The following NFKB1 variants were observed in gnomAD, a reference collection of about 807,000 sequenced individuals.
NFKB1 encodes nuclear factor kappa B subunit 1.
In NFKB1, 9 loss-of-function variants were observed where a neutral mutation model predicts 105.1. The observed-to-expected ratio is 0.09, with a 90% CI of 0.05 to 0.15. The LOEUF (loss-of-function observed/expected upper bound fraction) is 0.15, where lower values mean the gene tolerates loss of function less well. Ranked by LOEUF, NFKB1 falls within the 10% of genes least tolerant of loss-of-function variation. The pLI is 1.00. For synonymous variants in NFKB1, 440 were observed against 442.2 expected, an observed-to-expected ratio of 1.00 and a Z score of 0.06; for missense variants, 830 against 1,203.7, an observed-to-expected ratio of 0.69 and a Z score of 4.59.
intron 21 of NFKB1, 47 bp from the exon 22 acceptor site, chr4:102,612,387 G>A: frequency 1.3e-6 from 2 of 1,585,444 alleles, no homozygotes; most frequent in Non-Finnish European, 1.7e-6. Context: ...CCTCCAGAGT[G>A]TCTATGGCAT....
chr4:102,519,801 T>C (rs903736401), intron 1 of NFKB1, among the ~76,000 whole-genome samples: 2 of 152,186 alleles, frequency 1.3e-5, no homozygotes, highest in African/African-American at 4.8e-5. Flanking sequence ...AGCAAATGAC[T>C]TACTCTCTTT....
chr4:102,545,101 G>A (rs1232013721), intron 5 of NFKB1, among the ~76,000 whole-genome samples: 1 of 152,094 alleles, frequency 6.6e-6, no homozygotes, highest in Non-Finnish European at 1.5e-5. Flanking sequence ...CCTTGATAAG[G>A]TCAAGTGAAC....
At chr4:102,613,696 C>T in intron 23 of NFKB1, 115 bp downstream of exon 23, 1 of 1,200,760 alleles carries the variant, frequency 8.3e-7, no homozygotes, top group Non-Finnish European at 1.2e-6. Flanking sequence ...GGATACACTT[C>T]CCTGTGTGTC....
At chr4:102,579,647 AT>A (rs371017912) in intron 8 of NFKB1, among the ~76,000 whole-genome samples, 77,580 of 134,018 alleles carry the variant, frequency 0.58, 21,716 homozygotes, top group South Asian at 0.68. Flanking sequence ...AAAAAAAAAA[AT>A]ATATATATAT....
chr4:102,566,707 A>T (rs753199445), intron 5 of NFKB1, among the ~76,000 whole-genome samples: 1 of 152,116 alleles, frequency 6.6e-6, no homozygotes, highest in Non-Finnish European at 1.5e-5. Flanking sequence ...ATCCTCTAAG[A>T]TGTGTTGCTC....
intron 14 of NFKB1, among the ~76,000 whole-genome samples, chr4:102,597,168 G>A (rs976974378): frequency 6.6e-6 from 1 of 152,160 alleles, no homozygotes; most frequent in African/African-American, 2.4e-5. Flanking sequence ...ATTTCACCAA[G>A]ATATTGGTGA....
In NFKB1 at chr4:102,567,145, G is replaced by A. The variant is rs1360128376; in HGVS notation, c.407+10G>A. 3 of 1,612,152 alleles carry A rather than the reference G, an allele frequency of 1.9e-6. No homozygotes were observed. Among genetic ancestry groups the A allele is most frequent in the East Asian group, 2.2e-5 (1 of 44,854 alleles). Reference sequence around the variant, plus strand: ...AGGACATGGTGGTCGGGTAAGTAGGGGTATATGATGCTGTGGAAGGTAGGA... The same window carrying A: ...AGGACATGGTGGTCGGGTAAGTAGGAGTATATGATGCTGTGGAAGGTAGGA... On this transcript the variant is annotated intron_variant, in intron 6 of 23. Transcript: ENST00000226574.
chr4:102,544,717 A>G (rs189113742), intron 5 of NFKB1, among the ~76,000 whole-genome samples: 6 of 152,308 alleles, frequency 3.9e-5, no homozygotes, highest in African/African-American at 9.6e-5. Flanking sequence ...TCCGCTGTAT[A>G]TATTCAAAGT....
chr4:102,527,499 A>T (rs1044275254), intron 2 of NFKB1, among the ~76,000 whole-genome samples: 1 of 152,188 alleles, frequency 6.6e-6, no homozygotes, highest in East Asian at 1.9e-4. Flanking sequence ...CAGAAGTGGA[A>T]TATGTTTTAA....
chr4:102,571,050 A>C (rs1724301907), intron 6 of NFKB1, among the ~76,000 whole-genome samples: 1 of 152,246 alleles, frequency 6.6e-6, no homozygotes, highest in South Asian at 2.1e-4. Flanking sequence ...AAAAGAACAA[A>C]GCTGGAGGCG....
chr4:102,517,476 C>CA (rs1243082157), intron 1 of NFKB1, among the ~76,000 whole-genome samples: 3 of 151,904 alleles, frequency 2.0e-5, no homozygotes, highest in Non-Finnish European at 2.9e-5. Context: ...AAAACAAAAA[C>CA]AAAAAAACCA....
intron 5 of NFKB1, among the ~76,000 whole-genome samples, chr4:102,540,474 T>C (rs1472637708): frequency 2.6e-5 from 4 of 152,214 alleles, no homozygotes; most frequent in Non-Finnish European, 2.9e-5. Flanking sequence ...CTGGGAAATA[T>C]AGATATGTAA....
intron 5 of NFKB1, among the ~76,000 whole-genome samples, chr4:102,551,291 C>A (rs1722555892): frequency 6.6e-6 from 1 of 151,990 alleles, no homozygotes; most frequent in Admixed American, 6.6e-5. Flanking sequence ...AGAGAGTAAT[C>A]AGGGTATTAC....
chr4:102,508,994 C>T (rs2149096285), intron 1 of NFKB1, among the ~76,000 whole-genome samples: 1 of 152,238 alleles, frequency 6.6e-6, no homozygotes, highest in Non-Finnish European at 1.5e-5. Context: ...TTGGATAGAA[C>T]CTTTCGGCAG....
intron 15 of NFKB1, among the ~76,000 whole-genome samples, chr4:102,598,409 A>T (rs550538409): frequency 1.3e-5 from 2 of 152,216 alleles, no homozygotes; most frequent in Non-Finnish European, 2.9e-5. Context: ...CTAAAATAGC[A>T]TCAACATAGA....
chr4:102,554,860 C>G (rs1408211143), intron 5 of NFKB1, among the ~76,000 whole-genome samples: 3 of 152,170 alleles, frequency 2.0e-5, no homozygotes, highest in Non-Finnish European at 2.9e-5. Context: ...AATAGGAAAA[C>G]TGTGTCTCAA....
Position 102,606,657 on chromosome 4 carries a change from C to T in NFKB1, c.1914C>T (p.His638=), listed in dbSNP as rs138948343. The T allele has an allele frequency of 4.6e-5, 74 of 1,614,178 alleles. No individual in the cohort carries two copies. The African/African-American group carries it at 8.9e-4, about 19-fold the overall frequency. Reference sequence around the variant, plus strand: ...AAGTTCTCAGTATCTTACTCAAGCACAAAAAGGCAGCACTACTTCTTGACC... The same window carrying T: ...AAGTTCTCAGTATCTTACTCAAGCATAAAAAGGCAGCACTACTTCTTGACC... ...HDKVLSILLK[H]KKAALLLDHP... is the part of the protein sequence containing the mutation. The change falls in exon 17 of 24, where the codon CAC becomes CAT. Residue 638 remains histidine (H), a synonymous_variant. Transcript: ENST00000226574.
intron 22 of NFKB1, 142 bp from the exon 23 acceptor site, chr4:102,613,283 C>G (rs1161457409): frequency 3.9e-6 from 3 of 779,042 alleles, no homozygotes; most frequent in Non-Finnish European, 6.1e-6. Flanking sequence ...TTCTTAGTCG[C>G]TCTTCTCTGC....
chr4:102,607,177 T>G lies in NFKB1; in HGVS notation c.1982T>G (p.Met661Arg), dbSNP rs1210261634. ...CTGAATGCCATTCATCTAGCCATGA[T>G]GAGCAATAGCCTGCCATGTTTGCTG... is the stretch of plus-strand genomic sequence containing the variant. ...DGLNAIHLAM[M>R]SNSLPCLLLL... Residue 661 changes from methionine (M) to arginine (R), a missense_variant, in exon 18 of 24, where the codon ATG becomes AGG. Physicochemically the swap from Met to Arg is moderately conservative, Grantham distance 91 (BLOSUM62 -1). Transcript: ENST00000226574. The G allele has an allele frequency of 1.9e-6, 3 of 1,614,078 alleles. No individual in the cohort carries two copies. Among genetic ancestry groups the G allele is most frequent in the Non-Finnish European group, 8.5e-7 (1 of 1,180,044 alleles).
Sources: gnomAD v4.1 joint callset for allele counts (sites outside exome capture counted in the v4.1 genomes callset) on GRCh38, gnomAD v4.1.1 for gene constraint, MANE v1.5 for transcripts, NCBI Gene and HGNC (gene_info 2026-07-23, HGNC 2026-07-21) for gene names.